NEK1: variants seen among roughly 807,000 people sequenced by gnomAD.
The protein encoded by NEK1 is serine/threonine-protein kinase Nek1.
In NEK1, 137 loss-of-function variants were observed where a neutral mutation model predicts 182.1. That is an observed-to-expected ratio of 0.75 (90% confidence interval 0.65 to 0.87). The LOEUF (loss-of-function observed/expected upper bound fraction) is 0.87, where lower values mean the gene tolerates loss of function less well. Ranked by LOEUF, NEK1 falls within the 40% of genes least tolerant of loss-of-function variation. The pLI, the probability that NEK1 is intolerant of heterozygous loss-of-function variation, is 0.00. For missense variants in NEK1, 1,391 were observed against 1,494.4 expected, an observed-to-expected ratio of 0.93 and a Z score of 1.14; for synonymous variants, 513 against 492.2, an observed-to-expected ratio of 1.04 and a Z score of -0.56.
Position 169,563,411 on chromosome 4 carries a change from C to A in NEK1, c.1021-1215G>T, listed in dbSNP as rs184315307. ...GTATCTGGGGGGTTTGTGGGTAATTCTTTCCATTTATTTTCTAATCATTTA... is the reference window on the plus strand; with the variant it reads ...GTATCTGGGGGGTTTGTGGGTAATTATTTCCATTTATTTTCTAATCATTTA... On this transcript the variant is annotated intron_variant, in intron 12 of 35. Transcript: ENST00000507142. Among the ~76,000 whole-genome samples, 3 of 151,548 alleles carry A rather than the reference C, an allele frequency of 2.0e-5. No individual in the cohort carries two copies. In the East Asian group the frequency reaches 5.8e-4, roughly 29 times the overall value.
chr4:169,442,151 T>C (rs1165874702), intron 27 of NEK1, among the ~76,000 whole-genome samples: 1 of 152,172 alleles, frequency 6.6e-6, no homozygotes, highest in African/African-American at 2.4e-5. Flanking sequence ...AAGGATTACC[T>C]GGACCCACTA....
intron 31 of NEK1, among the ~76,000 whole-genome samples, chr4:169,414,555 G>A (rs1320893194): frequency 6.6e-6 from 1 of 152,128 alleles, no homozygotes; most frequent in Non-Finnish European, 1.5e-5. Flanking sequence ...GTCAAGGAGG[G>A]TTGACATATA....
At chr4:169,605,232 A>G (rs10028880) in intron 2 of NEK1, among the ~76,000 whole-genome samples, 13,580 of 152,246 alleles carry the variant, frequency 0.089, 793 homozygotes, top group African/African-American at 0.16. Flanking sequence ...CTAATAAGAC[A>G]GAAGCTCCAA....
At chr4:169,401,520 G>A in intron 33 of NEK1, 132 bp downstream of exon 33, 1 of 563,000 alleles carries the variant, frequency 1.8e-6, no homozygotes, top group Non-Finnish European at 2.9e-6. Flanking sequence ...TGAAAAAAGG[G>A]GAGAGACCCA....
intron 19 of NEK1, among the ~76,000 whole-genome samples, chr4:169,512,397 A>G (rs774550247): frequency 2.6e-5 from 4 of 152,068 alleles, no homozygotes; most frequent in African/African-American, 4.8e-5. Context: ...GTTACCTGCC[A>G]TATGTATATC....
At chr4:169,575,867 G>C (rs1765603792) in intron 12 of NEK1, among the ~76,000 whole-genome samples, 3 of 151,936 alleles carry the variant, frequency 2.0e-5, no homozygotes, top group Non-Finnish European at 4.4e-5. Context: ...CTCAGCACTA[G>C]GAATAGCAGC....
chr4:169,394,335 A>T lies in NEK1; in HGVS notation c.*175T>A. 2.0e-6 allele frequency: 1 copy of T among 508,476 alleles called. No individual in the cohort carries two copies. Among genetic ancestry groups the T allele is most frequent in the Non-Finnish European group, 3.5e-6 (1 of 282,928 alleles). 31.5% of individuals were successfully genotyped at this position (508,476 alleles called of 1,614,324 possible). A position where few individuals can be genotyped will look rare whatever the true frequency, so the allele number is the denominator to read the frequency against. On this transcript the variant is annotated 3_prime_UTR_variant, in exon 36 of 36. Transcript: ENST00000507142. ...CAATGAACAAAATAGATAAAATATT[A>T]GAATCTTCACTGAAAAATGGCATGT...
chr4:169,496,986 C>T lies in NEK1; in HGVS notation c.2007+10051G>A, dbSNP rs1045351135. Among the ~76,000 whole-genome samples the T allele has an allele frequency of 3.8e-3, 571 of 152,238 alleles. 6 individuals carry two copies. The highest frequency in any genetic ancestry group is 0.012 in the African/African-American group (508 of 41,540). ...ATAGTTTCAGAAGGAATGGTAACAG[C>T]TCCTCCTTGTACCTCTGGTAGAATT... is the stretch of plus-strand genomic sequence containing the variant. On this transcript the variant is annotated intron_variant, in intron 23 of 35. Coordinates refer to ENST00000507142, the MANE Select transcript of NEK1 (RefSeq NM_001199397.3).
At chr4:169,576,024 C>T (rs901131557) in intron 12 of NEK1, among the ~76,000 whole-genome samples, 3 of 150,778 alleles carry the variant, frequency 2.0e-5, no homozygotes, top group Non-Finnish European at 2.9e-5. Context: ...AGTGCAGTGG[C>T]GCACTCTTTG....
At chr4:169,604,641 A>G (rs1771040097) in intron 2 of NEK1, among the ~76,000 whole-genome samples, 1 of 152,186 alleles carries the variant, frequency 6.6e-6, no homozygotes, top group Admixed American at 6.5e-5. Context: ...TCAGTGCCAA[A>G]TTTGTTTTTA....
intron 26 of NEK1, among the ~76,000 whole-genome samples, chr4:169,467,039 T>G (rs1745061498): frequency 6.6e-6 from 1 of 152,110 alleles, no homozygotes; most frequent in Non-Finnish European, 1.5e-5. Flanking sequence ...AATGTGAAGA[T>G]GATGCGGATG....
intron 11 of NEK1, 142 bp from the exon 12 acceptor site, chr4:169,577,221 C>A: frequency 3.5e-6 from 3 of 858,176 alleles, no homozygotes; most frequent in Non-Finnish European, 5.2e-6. Flanking sequence ...TAATTCATCC[C>A]TTAGTATTTA....
chr4:169,444,556 A>T (rs1740132382), intron 27 of NEK1, among the ~76,000 whole-genome samples: 1 of 152,190 alleles, frequency 6.6e-6, no homozygotes, highest in Admixed American at 6.5e-5. Context: ...AAATTAAATG[A>T]GCAGATCTAA....
intron 23 of NEK1, among the ~76,000 whole-genome samples, chr4:169,497,746 C>T (rs1325347861): frequency 2.0e-5 from 3 of 152,154 alleles, no homozygotes; most frequent in African/African-American, 4.8e-5. Flanking sequence ...GAGTTCTAGT[C>T]TGATTGCACT....
chr4:169,541,230 G>A (rs886844467), intron 18 of NEK1, among the ~76,000 whole-genome samples: 4 of 152,052 alleles, frequency 2.6e-5, no homozygotes, highest in African/African-American at 7.2e-5. Context: ...GTAATGGAAC[G>A]AAACTGTTGT....
intron 18 of NEK1, among the ~76,000 whole-genome samples, chr4:169,543,414 T>C (rs915774306): frequency 6.6e-5 from 10 of 152,210 alleles, no homozygotes; most frequent in Non-Finnish European, 1.0e-4. Flanking sequence ...TGAAGTCAGG[T>C]AGCAGGATGC....
chr4:169,568,753 G>A (rs1176282540), intron 12 of NEK1, among the ~76,000 whole-genome samples: 1 of 151,986 alleles, frequency 6.6e-6, no homozygotes, highest in East Asian at 1.9e-4. Flanking sequence ...TGGCCAACAT[G>A]GTGAAACCCC....
chr4:169,597,207 T>C (rs1769657866), intron 5 of NEK1, among the ~76,000 whole-genome samples: 1 of 152,220 alleles, frequency 6.6e-6, no homozygotes, highest in African/African-American at 2.4e-5. Context: ...TATTTGACCT[T>C]CACCACATGT....
chr4:169,489,603 C>T, intron 23 of NEK1, among the ~76,000 whole-genome samples: 1 of 152,146 alleles, frequency 6.6e-6, no homozygotes, highest in Non-Finnish European at 1.5e-5. Context: ...TACCCAGCCT[C>T]ACAAAGTCTG....
Sources: allele counts gnomAD v4.1 joint callset (sites outside exome capture counted in the v4.1 genomes callset), GRCh38; gene constraint gnomAD v4.1.1; transcripts MANE v1.5; gene names NCBI Gene and HGNC (gene_info 2026-07-23, HGNC 2026-07-21).